The following ADGRD2 variants were observed in gnomAD, a reference collection of about 807,000 sequenced individuals.
The protein encoded by ADGRD2 is G protein-coupled receptor PGR24.
A neutral mutation model predicts 44.4 loss-of-function variants in ADGRD2; 71 were observed. The observed-to-expected ratio is 1.60, with a 90% CI of 1.32 to 1.95. ADGRD2 has a LOEUF of 1.95. ADGRD2 is among the 30% of genes most tolerant of loss of function. The probability of loss-of-function intolerance (pLI) is 0.00; values close to 1 mark genes in which losing one functional copy is unlikely to be tolerated. For synonymous variants in ADGRD2, 481 were observed against 224.8 expected (o/e 2.14, Z -10.19); for missense variants, 1,039 against 512.4 (o/e 2.03, Z -9.92).
At chr9:124,458,007 C>T in intron 8 of ADGRD2, 106 bp from the exon 12 acceptor site, 1 of 664,646 alleles carries the variant, frequency 1.5e-6, no homozygotes, top group Non-Finnish European at 2.8e-6. Flanking sequence ...CTCTCTGAGC[C>T]TCAGTTTCCC....
At chr9:124,460,372 T>TTG (rs1831705525) in intron 10 of ADGRD2, among the ~76,000 whole-genome samples, 5 of 81,020 alleles carry the variant, frequency 6.2e-5, no homozygotes, top group Non-Finnish European at 1.2e-4. Context: ...CCAGCTAATT[T>TTG]TGTATATATA....
At chr9:124,474,836 T>C (rs545024166) in intron 17 of ADGRD2, among the ~76,000 whole-genome samples, 79 of 152,164 alleles carry the variant, frequency 5.2e-4, no homozygotes, top group South Asian at 1.5e-3. Context: ...AGAGACCAAA[T>C]GTGATGGTGC....
exon 11 of ADGRD2, chr9:124,466,361 T>C (rs1208039493): frequency 4.2e-6 from 3 of 717,432 alleles, no homozygotes; most frequent in Non-Finnish European, 7.8e-6. Flanking sequence ...ACCGCCTGCT[T>C]CTGCAACCAC....
At chr9:124,470,523 T>C in exon 17 of ADGRD2, 1 of 711,320 alleles carries the variant, frequency 1.4e-6, no homozygotes, top group Non-Finnish European at 2.6e-6. Context: ...CTGGTCCTGC[T>C]GCCCGTCCTA....
At position 124,452,494 on chromosome 9, in the gene ADGRD2, C is replaced by T. The variant is rs1397949031; in HGVS notation, c.69-16C>T. The T allele has an allele frequency of 2.5e-5, 18 of 718,366 alleles. No individual in the cohort carries two copies. The highest frequency in any genetic ancestry group is 2.0e-5 in the Admixed American group (1 of 50,004). 44.5% of individuals were successfully genotyped at this position (718,366 alleles called of 1,614,324 possible). ...CCACAAAATGCACCCCCCACCGTCTCTCTTATCGTTTTTAGCCCCCGTGGC... is the reference window on the plus strand; with the variant it reads ...CCACAAAATGCACCCCCCACCGTCTTTCTTATCGTTTTTAGCCCCCGTGGC... On this transcript the variant is annotated splice_polypyrimidine_tract_variant and intron_variant, in intron 1 of 21. Coordinates refer to ENST00000334810, the Ensembl canonical transcript of ADGRD2.
chr9:124,470,566 C>A, exon 17 of ADGRD2: 1 of 709,872 alleles, frequency 1.4e-6, no homozygotes, highest in Non-Finnish European at 2.6e-6. Flanking sequence ...TCCTGGTGCA[C>A]CTGAGCCCCG....
intron 17 of ADGRD2, among the ~76,000 whole-genome samples, chr9:124,474,235 A>G (rs1402260822): frequency 2.2e-5 from 3 of 138,704 alleles, no homozygotes; most frequent in Non-Finnish European, 4.5e-5. Context: ...AAATTGTGCC[A>G]TTGCACTCCA....
In ADGRD2 at chr9:124,454,642, T is replaced by A; in HGVS notation, c.1108+73T>A. On this transcript the variant is annotated intron_variant, in intron 5 of 21. Coordinates refer to ENST00000334810, the Ensembl canonical transcript of ADGRD2. The surrounding 1 kb of genome is among the most constrained non-coding windows in gnomAD (Gnocchi z 4.5). The stretch of plus-strand genomic sequence containing the variant: ...CCTCGCTGCACCTCAGTTTCCTCCC[T>A]TGTAAAGGGGACACCCACCTGGTGT... 3 of 685,014 alleles carry A rather than the reference T, an allele frequency of 4.4e-6. No homozygotes were observed. The South Asian group carries it at 4.5e-5, about 10-fold the overall frequency. 42.4% of individuals were successfully genotyped at this position (685,014 alleles called of 1,614,324 possible). A position where few individuals can be genotyped will look rare whatever the true frequency, so the allele number is the denominator to read the frequency against.
At chr9:124,455,211 G>A (rs1432221350) in intron 6 of ADGRD2, 84 bp downstream of exon 9, 1 of 602,074 alleles carries the variant, frequency 1.7e-6, no homozygotes, top group African/African-American at 1.8e-5. Flanking sequence ...CTGTGGGGGA[G>A]TCAGCATCTA....
At chr9:124,451,800 G>A (rs1831476166), upstream of ADGRD2, 1 of 405,792 alleles carries the variant, frequency 2.5e-6, no homozygotes, top group Non-Finnish European at 4.5e-6. Flanking sequence ...TAAGGTCACT[G>A]CAAATGTTAT....
chr9:124,466,242 T>C lies in ADGRD2; in HGVS notation c.1871-16T>C. On this transcript the variant is annotated splice_polypyrimidine_tract_variant and intron_variant, in intron 10 of 21. Coordinates refer to ENST00000334810, the Ensembl canonical transcript of ADGRD2. ...TTGCTTCTGGCCCCTCACCCCCTTG[T>C]CCACCTTATCTCAAGAGCCCCCTGT... 1 of 604,648 alleles carries C rather than the reference T, an allele frequency of 1.7e-6. No homozygotes were observed. The highest frequency in any genetic ancestry group is 3.1e-6 in the Non-Finnish European group (1 of 320,308). 37.5% of individuals were successfully genotyped at this position (604,648 alleles called of 1,614,324 possible).
chr9:124,456,675 G>T, exon 7 of ADGRD2: 1 of 716,760 alleles, frequency 1.4e-6, no homozygotes, highest in Non-Finnish European at 2.6e-6. Flanking sequence ...TGGCACCCCT[G>T]CTGAGCACCT....
At chr9:124,470,646 C>T (rs1333982682) in intron 17 of ADGRD2, 32 bp downstream of exon 20, 5 of 691,034 alleles carry the variant, frequency 7.2e-6, no homozygotes, top group Non-Finnish European at 1.3e-5. Flanking sequence ...TGGGACTAGG[C>T]CCTGACATGC....
intron 17 of ADGRD2, among the ~76,000 whole-genome samples, chr9:124,472,832 TG>T (rs1369388205): frequency 5.3e-5 from 8 of 152,208 alleles, no homozygotes; most frequent in African/African-American, 1.7e-4. Context: ...TTTTTATCTC[TG>T]CCTCTCCATC....
intron 21 of ADGRD2, among the ~76,000 whole-genome samples, chr9:124,477,826 G>A (rs968556480): frequency 4.0e-5 from 6 of 151,162 alleles, no homozygotes; most frequent in African/African-American, 1.5e-4. Flanking sequence ...CCCACCCGCG[G>A]GCGCCGCGGC....
chr9:124,466,354 G>A (rs10986353), exon 11 of ADGRD2: 80 of 717,258 alleles, frequency 1.1e-4, no homozygotes, highest in East Asian at 2.4e-4. Flanking sequence ...GGACTCCACC[G>A]CCTGCTTCTG....
chr9:124,465,230 C>T (rs750894923), intron 10 of ADGRD2: 8 of 153,244 alleles, frequency 5.2e-5, no homozygotes, highest in Non-Finnish European at 1.0e-4. Context: ...CCCCATGCCC[C>T]TCAATCCACG....
chr9:124,464,446 C>T (rs1163263267), intron 10 of ADGRD2, among the ~76,000 whole-genome samples: 2 of 152,210 alleles, frequency 1.3e-5, no homozygotes, highest in African/African-American at 2.4e-5. Flanking sequence ...CCTTTCTGAG[C>T]CTCAGTTTCC....
chr9:124,456,714 C>T (rs1831624857), exon 7 of ADGRD2: 2 of 709,884 alleles, frequency 2.8e-6, no homozygotes, highest in South Asian at 3.0e-5. Flanking sequence ...CCCGAATGCG[C>T]ATCCAGCACC....
Sources: gnomAD v4.1 joint callset for allele counts (sites outside exome capture counted in the v4.1 genomes callset) on GRCh38, gnomAD v4.1.1 for gene constraint, Gnocchi (gnomAD v3.1) non-coding constraint, MANE v1.5 for transcripts, NCBI Gene and HGNC (gene_info 2026-07-23, HGNC 2026-07-21) for gene names.